FRMD4B: variants seen among roughly 807,000 people sequenced by gnomAD.
FRMD4B encodes the protein FERM domain-containing protein 4B.
FRMD4B carries 74 observed loss-of-function variants against 141.5 expected under a neutral mutation model. That is an observed-to-expected ratio of 0.52 (90% CI 0.43 to 0.63). The LOEUF (loss-of-function observed/expected upper bound fraction) is 0.63. Ranked by LOEUF, FRMD4B falls within the 30% of genes least tolerant of loss-of-function variation. FRMD4B has a pLI of 0.00. For missense variants in FRMD4B, 1,366 were observed against 1,253.4 expected (o/e 1.09, Z -1.36); for synonymous variants, 506 against 467.9 (o/e 1.08, Z -1.05).
intron 4 of FRMD4B, among the ~76,000 whole-genome samples, chr3:69,299,754 A>G (rs973732258): frequency 2.0e-5 from 3 of 152,176 alleles, no homozygotes; most frequent in African/African-American, 7.2e-5. Context: ...ACAGCGGTAC[A>G]CATGCTTTAA....
Position 69,246,209 on chromosome 3 carries a change from G to T in FRMD4B, c.581+3017C>A, listed in dbSNP as rs965122532. ...GATGGCTTGCACCTGTAATCTCGGC[G>T]CTTTGGGAGGCCAACATAGGCAGAT... On this transcript the variant is annotated intron_variant, in intron 7 of 22. Coordinates refer to ENST00000398540, the MANE Select transcript of FRMD4B (RefSeq NM_015123.3). 1.1e-4 allele frequency among the ~76,000 whole-genome samples: 16 copies of T among 152,212 alleles called. No homozygotes were observed. The East Asian group carries it at 2.5e-3, about 24-fold the overall frequency.
chr3:69,540,660 TACAC>T (rs1161119924), intron 1 of FRMD4B, among the ~76,000 whole-genome samples: 4,062 of 54,990 alleles, frequency 0.074, 155 homozygotes, highest in Non-Finnish European at 0.082. Context: ...TATATATATA[TACAC>T]ACACACACAC....
intron 4 of FRMD4B, among the ~76,000 whole-genome samples, chr3:69,289,937 T>C (rs1235755127): frequency 6.6e-6 from 1 of 152,244 alleles, no homozygotes; most frequent in East Asian, 1.9e-4. Flanking sequence ...TTGTCCTTTT[T>C]TTCTTTAAAC....
At chr3:69,404,371 GA>G (rs1392978508) in intron 2 of FRMD4B, among the ~76,000 whole-genome samples, 1 of 152,134 alleles carries the variant, frequency 6.6e-6, no homozygotes, top group Non-Finnish European at 1.5e-5. Context: ...TTACTTTCTT[GA>G]ATATTAAGGA....
At chr3:69,445,979 T>G (rs1317118065) in intron 1 of FRMD4B, among the ~76,000 whole-genome samples, 1 of 152,194 alleles carries the variant, frequency 6.6e-6, no homozygotes. Flanking sequence ...ACAATGCACA[T>G]AGTAGATACT....
At chr3:69,496,777 T>C (rs957484093) in intron 1 of FRMD4B, among the ~76,000 whole-genome samples, 11 of 152,254 alleles carry the variant, frequency 7.2e-5, no homozygotes, top group South Asian at 2.1e-4. Flanking sequence ...AGTCCACCTT[T>C]TTGCTTAAGT....
intron 11 of FRMD4B, among the ~76,000 whole-genome samples, chr3:69,214,336 T>C (rs58466798): frequency 5.3e-5 from 8 of 152,260 alleles, no homozygotes; most frequent in African/African-American, 1.4e-4. Context: ...GTTGTGATAA[T>C]GCAGGTAGCT....
At chr3:69,186,753 G>A (rs1486350800) in intron 19 of FRMD4B, among the ~76,000 whole-genome samples, 1 of 152,152 alleles carries the variant, frequency 6.6e-6, no homozygotes, top group African/African-American at 2.4e-5. Context: ...TGCCCAGACT[G>A]GTCTCCAACT....
At chr3:69,200,774 G>T in intron 11 of FRMD4B, 2 of 868,374 alleles carry the variant, frequency 2.3e-6, no homozygotes, top group Non-Finnish European at 3.3e-6. Context: ...TTCACCGGAG[G>T]CTGTTTTAGG....
intron 1 of FRMD4B, among the ~76,000 whole-genome samples, chr3:69,523,755 C>T (rs1459906691): frequency 3.3e-5 from 5 of 152,160 alleles, no homozygotes; most frequent in African/African-American, 4.8e-5. Context: ...GGATGTCAGG[C>T]AGGCAACTAG....
Position 69,330,962 on chromosome 3 carries a change from G to A in FRMD4B, c.163-17445C>T, listed in dbSNP as rs114221019. On this transcript the variant is annotated intron_variant, in intron 1 of 22. Coordinates refer to ENST00000398540, the MANE Select transcript of FRMD4B (RefSeq NM_015123.3). ...TGAGCACATGTCATTATGCTCTGTC[G>A]GCAAGTTTCTCCCACTTCTGTTCCT... Among the ~76,000 whole-genome samples the A allele has an allele frequency of 7.9e-3, 1,205 of 152,244 alleles. 24 individuals carry two copies. Among genetic ancestry groups the A allele is most frequent in the African/African-American group, 0.027 (1,134 of 41,542 alleles).
intron 2 of FRMD4B, among the ~76,000 whole-genome samples, chr3:69,395,756 T>G (rs1283480520): frequency 6.6e-6 from 1 of 152,184 alleles, no homozygotes; most frequent in Admixed American, 6.5e-5. Context: ...GGAAGCAGCA[T>G]GCTACAAGCC....
intron 21 of FRMD4B, among the ~76,000 whole-genome samples, chr3:69,177,339 A>AAAAT (rs1042389850): frequency 3.3e-5 from 5 of 152,146 alleles, no homozygotes; most frequent in African/African-American, 9.7e-5. Flanking sequence ...GCTCTGTCTC[A>AAAAT]AAATAAATAA....
chr3:69,486,365 C>T (rs562401827), intron 1 of FRMD4B, among the ~76,000 whole-genome samples: 2 of 152,264 alleles, frequency 1.3e-5, no homozygotes, highest in South Asian at 4.1e-4. Context: ...TTATCCCTCG[C>T]CCCTCTCCCA....
At chr3:69,443,630 T>A (rs1037722795) in intron 1 of FRMD4B, among the ~76,000 whole-genome samples, 1 of 152,202 alleles carries the variant, frequency 6.6e-6, no homozygotes, top group African/African-American at 2.4e-5. Flanking sequence ...TGCAAAATTA[T>A]GACAGTAAGA....
At chr3:69,539,592 T>G (rs916210063) in intron 1 of FRMD4B, among the ~76,000 whole-genome samples, 2 of 152,236 alleles carry the variant, frequency 1.3e-5, no homozygotes, top group African/African-American at 4.8e-5. Context: ...AACTTTCCCA[T>G]GGATAATGAA....
chr3:69,536,233 G>A (rs975609981), intron 1 of FRMD4B: 18 of 602,862 alleles, frequency 3.0e-5, no homozygotes, highest in South Asian at 5.5e-5. Context: ...GTTTCTTGGC[G>A]TCCTTCCCCT....
chr3:69,414,998 TG>T, intron 2 of FRMD4B, among the ~76,000 whole-genome samples: 2 of 151,272 alleles, frequency 1.3e-5, no homozygotes, highest in East Asian at 3.9e-4. Flanking sequence ...CCTGAGTAGC[TG>T]GGATTACAGG....
At chr3:69,311,471 A>G (rs758125965) in intron 2 of FRMD4B, 114 bp from the exon 3 acceptor site, 1 of 605,816 alleles carries the variant, frequency 1.7e-6, no homozygotes, top group Non-Finnish European at 3.0e-6. Flanking sequence ...TTGTTTCTTT[A>G]TTACTTGCCC....
Sources: gnomAD v4.1 joint callset for allele counts (sites outside exome capture counted in the v4.1 genomes callset) on GRCh38, gnomAD v4.1.1 for gene constraint, MANE v1.5 for transcripts, NCBI Gene and HGNC (gene_info 2026-07-23, HGNC 2026-07-21) for gene names.